The following EPM2A variants were observed in gnomAD, a reference collection of about 807,000 sequenced individuals.
EPM2A encodes EPM2A glucan phosphatase, laforin, also known as laforin.
EPM2A carries 21 observed loss-of-function variants against 26.5 expected under a neutral mutation model. That is an observed-to-expected ratio of 0.79 (90% confidence interval 0.56 to 1.14). The LOEUF is 1.14. Among genes scored for constraint, EPM2A ranks in the 50% most tolerant of loss-of-function variants. The pLI is 0.00. For missense variants in EPM2A, 458 were observed against 440.8 expected (o/e 1.04, Z -0.35); for synonymous variants, 217 against 177.6 (o/e 1.22, Z -1.76).
chr6:145,477,221 T>C (rs935749491), intron 4 of EPM2A, among the ~76,000 whole-genome samples: 2 of 151,788 alleles, frequency 1.3e-5, no homozygotes, highest in African/African-American at 4.8e-5. Context: ...CCTACCAAGA[T>C]TGAACCCAGA....
At chr6:145,660,078 C>A (rs1778575593) in intron 2 of EPM2A, among the ~76,000 whole-genome samples, 1 of 151,422 alleles carries the variant, frequency 6.6e-6, no homozygotes, top group South Asian at 2.1e-4. Context: ...GAAAAATTAT[C>A]TTTTAACAAC....
At chr6:145,704,309 A>T (rs902872462) in intron 1 of EPM2A, among the ~76,000 whole-genome samples, 1 of 152,226 alleles carries the variant, frequency 6.6e-6, no homozygotes, top group Non-Finnish European at 1.5e-5. Flanking sequence ...AATAGTTATC[A>T]AATTTTTTTC....
intron 2 of EPM2A, among the ~76,000 whole-genome samples, chr6:145,667,237 A>G: frequency 8.4e-6 from 1 of 118,356 alleles, no homozygotes. Flanking sequence ...AACCTACAAC[A>G]TGGGAGAAAA....
chr6:145,657,590 T>C (rs1384817370), intron 2 of EPM2A, among the ~76,000 whole-genome samples: 1 of 152,204 alleles, frequency 6.6e-6, no homozygotes, highest in African/African-American at 2.4e-5. Context: ...GTTTCCTCCT[T>C]CTTCTATGCT....
intron 2 of EPM2A, among the ~76,000 whole-genome samples, chr6:145,588,981 C>T (rs949031663): frequency 6.6e-6 from 1 of 152,130 alleles, no homozygotes; most frequent in African/African-American, 2.4e-5. Flanking sequence ...GCAAGAGAAG[C>T]TACTACCCCC....
At chr6:145,724,934 GT>G (rs1388755211) in intron 1 of EPM2A, among the ~76,000 whole-genome samples, 8 of 151,794 alleles carry the variant, frequency 5.3e-5, no homozygotes, top group South Asian at 2.1e-4. Context: ...TTGGAGAAGA[GT>G]TTTTTTGTTC....
chr6:145,456,619 A>G (rs1376859572), intron 4 of EPM2A, among the ~76,000 whole-genome samples: 2 of 152,178 alleles, frequency 1.3e-5, no homozygotes, highest in African/African-American at 2.4e-5. Flanking sequence ...GACAATTTCT[A>G]CAAACTTATT....
At chr6:145,507,485 G>C (rs1779993201) in intron 2 of EPM2A, among the ~76,000 whole-genome samples, 1 of 152,144 alleles carries the variant, frequency 6.6e-6, no homozygotes, top group Admixed American at 6.5e-5. Flanking sequence ...AGGGCACCCT[G>C]TTTCTCTCAA....
Position 145,414,195 on chromosome 6 carries a change from C to T in EPM2A, c.556-30098G>A, listed in dbSNP as rs942000122. Among the ~76,000 whole-genome samples the T allele has an allele frequency of 4.6e-5, 7 of 152,220 alleles. No homozygotes were observed. In the East Asian group the frequency reaches 1.2e-3, roughly 25 times the overall value. On this transcript the variant is annotated intron_variant, in intron 4 of 4. Transcript: ENST00000638717. ...CAAGTACAGCCATTCCCAGTGCAGC[C>T]CTTTCTTTTTTGCTGTCCTGGATAG...
intron 4 of EPM2A, among the ~76,000 whole-genome samples, chr6:145,474,928 C>G (rs1779522726): frequency 6.6e-6 from 1 of 152,164 alleles, no homozygotes; most frequent in Admixed American, 6.5e-5. Context: ...GATACCATCT[C>G]ACATCAGTTA....
intron 4 of EPM2A, among the ~76,000 whole-genome samples, chr6:145,458,623 T>G (rs976500144): frequency 3.3e-5 from 5 of 151,890 alleles, no homozygotes; most frequent in African/African-American, 1.2e-4. Flanking sequence ...GAAAGTGGAG[T>G]TTGGGGGAGA....
chr6:145,598,907 G>GA (rs1781382742), intron 2 of EPM2A, among the ~76,000 whole-genome samples: 1 of 152,188 alleles, frequency 6.6e-6, no homozygotes, highest in Admixed American at 6.5e-5. Flanking sequence ...CTGAAGATCA[G>GA]AAAGTTGTAG....
chr6:145,585,166 T>G (rs566794352), intron 2 of EPM2A, among the ~76,000 whole-genome samples: 4 of 152,322 alleles, frequency 2.6e-5, no homozygotes, highest in Non-Finnish European at 2.9e-5. Flanking sequence ...TTATTATCAC[T>G]GATTTCTTTA....
intron 2 of EPM2A, among the ~76,000 whole-genome samples, chr6:145,586,766 A>C (rs1039856832): frequency 6.6e-6 from 1 of 152,166 alleles, no homozygotes; most frequent in Non-Finnish European, 1.5e-5. Context: ...CAAACAGATA[A>C]TTTTAGAAAT....
intron 1 of EPM2A, among the ~76,000 whole-genome samples, chr6:145,706,357 TTGAG>T (rs1782222697): frequency 6.6e-6 from 1 of 152,310 alleles, no homozygotes; most frequent in African/African-American, 2.4e-5. Context: ...CTGCAAACAG[TTGAG>T]TGAGGACAAC....
At chr6:145,632,105 G>A (rs1776306736) in intron 3 of EPM2A, 1 of 152,126 alleles carries the variant, frequency 6.6e-6, no homozygotes, top group Non-Finnish European at 1.5e-5. Context: ...TTATTCTACT[G>A]TTATAGTCCT....
At chr6:145,472,398 G>A (rs1049665870) in intron 4 of EPM2A, among the ~76,000 whole-genome samples, 1 of 151,894 alleles carries the variant, frequency 6.6e-6, no homozygotes, top group Non-Finnish European at 1.5e-5. Context: ...AAAGCAAAGC[G>A]GACTTTGTTT....
intron 2 of EPM2A, among the ~76,000 whole-genome samples, chr6:145,537,806 T>C (rs559946033): frequency 2.0e-5 from 3 of 151,242 alleles, no homozygotes; most frequent in East Asian, 4.0e-4. Flanking sequence ...TTTCTGTCCA[T>C]ATGTTCTCAT....
chr6:145,721,911 G>A (rs1489043442), intron 1 of EPM2A, among the ~76,000 whole-genome samples: 1 of 152,162 alleles, frequency 6.6e-6, no homozygotes, highest in Non-Finnish European at 1.5e-5. Context: ...CTTTTGGGGG[G>A]AAAAATTCAT....
Sources: allele counts gnomAD v4.1 joint callset (sites outside exome capture counted in the v4.1 genomes callset), GRCh38; gene constraint gnomAD v4.1.1; transcripts MANE v1.5; gene names NCBI Gene and HGNC (gene_info 2026-07-23, HGNC 2026-07-21).